The following DYRK1A variants were observed in gnomAD, a reference collection of about 807,000 sequenced individuals.
DYRK1A encodes the protein dual specificity tyrosine phosphorylation regulated kinase 1A, also known as dual specificity tyrosine-phosphorylation-regulated kinase 1A.
A neutral mutation model predicts 79.7 loss-of-function variants in DYRK1A; 9 were observed. That is an observed-to-expected ratio of 0.11 (90% confidence interval 0.07 to 0.20). The LOEUF (loss-of-function observed/expected upper bound fraction) is 0.20. Among genes scored for constraint, DYRK1A ranks in the 10% least tolerant of loss-of-function variants. The pLI is 1.00. For missense variants in DYRK1A, 622 were observed against 956.0 expected (o/e 0.65, Z 4.61); for synonymous variants, 349 against 329.7 (o/e 1.06, Z -0.63).
chr21:37,375,199 A>G (rs927994002), intron 1 of DYRK1A: 2 of 151,268 alleles, frequency 1.3e-5, no homozygotes, highest in Non-Finnish European at 3.0e-5. Context: ...TAGAAAAATA[A>G]TGTGAATATT....
At chr21:37,478,335 G>T in intron 4 of DYRK1A, 35 bp downstream of exon 4, 2 of 1,594,354 alleles carry the variant, frequency 1.3e-6, no homozygotes, top group South Asian at 1.1e-5. Context: ...CATCTATCTT[G>T]CAGTATGTCA....
At chr21:37,448,350 G>A (rs2051337065) in intron 2 of DYRK1A, among the ~76,000 whole-genome samples, 1 of 151,986 alleles carries the variant, frequency 6.6e-6, no homozygotes, top group Non-Finnish European at 1.5e-5. Context: ...TCTTGTTCTG[G>A]TGGAGGGTCC....
chr21:37,427,901 T>C (rs1044222381), intron 2 of DYRK1A, among the ~76,000 whole-genome samples: 11 of 152,200 alleles, frequency 7.2e-5, no homozygotes, highest in Admixed American at 4.6e-4. Flanking sequence ...GTGAGTTTCC[T>C]TTTATCATTC....
At position 37,486,486 on chromosome 21, in the gene DYRK1A, G is replaced by A. The variant is rs2052871359; in HGVS notation, c.509G>A (p.Arg170His). 1.3e-6 allele frequency: 2 copies of A among 1,563,328 alleles called. No individual in the cohort carries two copies. The highest frequency in any genetic ancestry group is 8.6e-7 in the Non-Finnish European group (1 of 1,157,240). ...SFGQVVKAYD[R>H]VEQEWVAIKI... ...TTTTAGGTTGTAAAGGCATATGATC[G>A]TGTGGAGCAAGAATGGGTTGCCATT... is the stretch of plus-strand genomic sequence containing the variant. Residue 170 changes from arginine (R) to histidine (H), a missense_variant, in exon 6 of 12, where the codon CGT becomes CAT. Coordinates refer to ENST00000647188, the MANE Select transcript of DYRK1A (RefSeq NM_001347721.2).
At chr21:37,371,674 C>G (rs1320462893) in intron 1 of DYRK1A, among the ~76,000 whole-genome samples, 1 of 152,022 alleles carries the variant, frequency 6.6e-6, no homozygotes, top group Non-Finnish European at 1.5e-5. Flanking sequence ...TGGTTTGGGG[C>G]AGATGCTCAT....
chr21:37,517,367 G>A lies in DYRK1A; in HGVS notation c.*4836G>A, dbSNP rs556160010. The A allele has an allele frequency of 1.3e-5, 2 of 152,212 alleles. No individual in the cohort carries two copies. The highest frequency in any genetic ancestry group is 2.4e-5 in the African/African-American group (1 of 41,448). 9.4% of individuals were successfully genotyped at this position (152,212 alleles called of 1,614,324 possible). Reference sequence around the variant, plus strand: ...GAGTTCTCATAGCTAGAGAAAGGCCGTGTAGGTATAAGTGCTTAATGTTTC... The same window carrying A: ...GAGTTCTCATAGCTAGAGAAAGGCCATGTAGGTATAAGTGCTTAATGTTTC... On this transcript the variant is annotated 3_prime_UTR_variant, in exon 12 of 12. Coordinates refer to ENST00000647188, the MANE Select transcript of DYRK1A (RefSeq NM_001347721.2).
chr21:37,376,400 T>A (rs2049541585), intron 1 of DYRK1A, among the ~76,000 whole-genome samples: 2 of 152,104 alleles, frequency 1.3e-5, no homozygotes, highest in African/African-American at 4.8e-5. Context: ...TCCCAGGTAC[T>A]TGGGAGGCAG....
chr21:37,439,357 A>G (rs995523002), intron 2 of DYRK1A, among the ~76,000 whole-genome samples: 2 of 152,344 alleles, frequency 1.3e-5, no homozygotes, highest in Non-Finnish European at 1.5e-5. Flanking sequence ...ACAATGTTGA[A>G]TAGAAGTAGT....
At chr21:37,463,987 CAATT>C (rs1183226270) in intron 2 of DYRK1A, among the ~76,000 whole-genome samples, 12 of 152,152 alleles carry the variant, frequency 7.9e-5, no homozygotes, top group Admixed American at 1.3e-4. Context: ...AATCTACTAT[CAATT>C]AATACTGTCA....
chr21:37,372,768 A>G (rs1196831545), intron 1 of DYRK1A, among the ~76,000 whole-genome samples: 2 of 151,960 alleles, frequency 1.3e-5, no homozygotes, highest in Non-Finnish European at 2.9e-5. Flanking sequence ...TTCTCTCCTC[A>G]TCTTCATTCA....
intron 3 of DYRK1A, 151 bp downstream of exon 3, chr21:37,473,031 A>G (rs1209173746): frequency 1.7e-6 from 1 of 577,682 alleles, no homozygotes; most frequent in African/African-American, 1.9e-5. Context: ...AGAAGTTTGC[A>G]TTAAATTTTT....
At chr21:37,375,887 C>T (rs2049528982) in intron 1 of DYRK1A, among the ~76,000 whole-genome samples, 1 of 151,980 alleles carries the variant, frequency 6.6e-6, no homozygotes, top group Non-Finnish European at 1.5e-5. Flanking sequence ...AGCCTGAAAA[C>T]CCATAGCCCT....
In DYRK1A at chr21:37,524,670, G is replaced by C. The variant is rs898852999; in HGVS notation, c.*12139G>C. 5 of 152,204 alleles carry C rather than the reference G, an allele frequency of 3.3e-5. No individual in the cohort carries two copies. The highest frequency in any genetic ancestry group is 7.2e-5 in the African/African-American group (3 of 41,440). 9.4% of individuals were successfully genotyped at this position (152,204 alleles called of 1,614,324 possible). On this transcript the variant is annotated 3_prime_UTR_variant, in exon 12 of 12. Coordinates refer to ENST00000647188, the MANE Select transcript of DYRK1A (RefSeq NM_001347721.2). Reference sequence around the variant, plus strand: ...GGTTTCCCCTGACTCTCATGACAGGGGTCACCATATGTTATGCACACTGCT... The same window carrying C: ...GGTTTCCCCTGACTCTCATGACAGGCGTCACCATATGTTATGCACACTGCT...
chr21:37,506,501 C>A, intron 11 of DYRK1A: 1 of 929,676 alleles, frequency 1.1e-6, no homozygotes, highest in Non-Finnish European at 1.5e-6. Context: ...GCGTTTTGAG[C>A]CTCATGCTTT....
intron 1 of DYRK1A, among the ~76,000 whole-genome samples, chr21:37,400,567 C>G (rs891894826): frequency 6.6e-5 from 10 of 152,170 alleles, no homozygotes; most frequent in Admixed American, 2.0e-4. Flanking sequence ...ACCTGGGAGA[C>G]AGCTCCCAAA....
In DYRK1A at chr21:37,472,674, C is replaced by T. The variant is rs778105063; in HGVS notation, c.11-10C>T. On this transcript the variant is annotated splice_polypyrimidine_tract_variant and intron_variant, in intron 2 of 11. Transcript: ENST00000647188. The stretch of plus-strand genomic sequence containing the variant: ...AATATTTCCTTTAAACCTCACTTAT[C>T]TTCTTGTAGGAGGAGAGACTTCAGC... The T allele has an allele frequency of 6.4e-7, 1 of 1,567,014 alleles. No individual in the cohort carries two copies. Among genetic ancestry groups the T allele is most frequent in the Non-Finnish European group, 8.7e-7 (1 of 1,149,998 alleles).
At chr21:37,475,483 A>G (rs1439962573) in intron 3 of DYRK1A, among the ~76,000 whole-genome samples, 1 of 152,242 alleles carries the variant, frequency 6.6e-6, no homozygotes, top group Non-Finnish European at 1.5e-5. Context: ...CTGGATATGT[A>G]CTAATGGCAT....
In DYRK1A at chr21:37,488,450, C is replaced by A; in HGVS notation, c.638-1725C>A. The A allele has an allele frequency of 4.2e-6, 3 of 719,178 alleles. No individual in the cohort carries two copies. In the South Asian group the frequency reaches 1.9e-4, roughly 46 times the overall value. 44.5% of individuals were successfully genotyped at this position (719,178 alleles called of 1,614,324 possible). On this transcript the variant is annotated intron_variant, in intron 6 of 11. Coordinates refer to ENST00000647188, the MANE Select transcript of DYRK1A (RefSeq NM_001347721.2). Reference sequence around the variant, plus strand: ...TGAGTTTTATTGTCTTGTCTTTGAACTTTAAAAAACATCTACTTCTTTACT... The same window carrying A: ...TGAGTTTTATTGTCTTGTCTTTGAAATTTAAAAAACATCTACTTCTTTACT...
At chr21:37,474,183 C>T (rs1305182317) in intron 3 of DYRK1A, among the ~76,000 whole-genome samples, 1 of 152,156 alleles carries the variant, frequency 6.6e-6, no homozygotes, top group Non-Finnish European at 1.5e-5. Context: ...CAGGTCTAAC[C>T]TCTGGTGTCT....
Sources: allele counts gnomAD v4.1 joint callset (sites outside exome capture counted in the v4.1 genomes callset), GRCh38; gene constraint gnomAD v4.1.1; transcripts MANE v1.5; gene names NCBI Gene and HGNC (gene_info 2026-07-23, HGNC 2026-07-21).